PDYN: variants seen among roughly 807,000 people sequenced by gnomAD.
PDYN encodes the protein prodynorphin.
Under a neutral mutation model 11.4 loss-of-function variants are expected in PDYN, and 5 were observed. The ratio of observed to expected loss-of-function variants is 0.44; its 90% confidence interval spans 0.23 to 0.92. The LOEUF (loss-of-function observed/expected upper bound fraction) is 0.92. PDYN is among the 40% of genes least tolerant of loss of function. PDYN has a pLI of 0.24. For missense variants in PDYN, 337 were observed against 317.3 expected, an observed-to-expected ratio of 1.06 and a Z score of -0.47; for synonymous variants, 132 against 129.5, an observed-to-expected ratio of 1.02 and a Z score of -0.13.
Position 1,990,229 on chromosome 20 carries a change from A to G in PDYN, c.-20+2355T>C, listed in dbSNP as rs555479255. On this transcript the variant is annotated intron_variant, in intron 2 of 3. Transcript: ENST00000217305. Reference sequence around the variant, plus strand: ...ACTGGGCCAAGACCAAGAAGCAAGGAAACAGCAGAATAAGATTTCAGAGTC... The same window carrying G: ...ACTGGGCCAAGACCAAGAAGCAAGGGAACAGCAGAATAAGATTTCAGAGTC... Among the ~76,000 whole-genome samples the G allele has an allele frequency of 9.8e-5, 15 of 152,346 alleles. No individual in the cohort carries two copies. In the East Asian group the frequency reaches 2.9e-3, roughly 29 times the overall value.
rs949868832 is a variant in PDYN at position 1,980,492 on chromosome 20, C to G, written c.596G>C (p.Gly199Ala). 4.3e-6 allele frequency: 7 copies of G among 1,613,054 alleles called. No individual in the cohort carries two copies. Among genetic ancestry groups the G allele is most frequent in the Admixed American group, 1.7e-5 (1 of 59,932 alleles). ...ATAGCGTTTGTACAGGTCCTCATGG[C>G]CCATGCTATCCCCGTCCCCCTCCCC... ...VAGEGDGDSM[G>A]HEDLYKRYGG... Residue 199 changes from glycine (G) to alanine (A), a missense_variant, in exon 4 of 4, where the codon GGC (glycine) becomes GCC (alanine). Gly to Ala is a moderately conservative substitution (Grantham distance 60). Transcript: ENST00000217305.
chr20:1,991,798 G>A (rs979182038), intron 2 of PDYN, among the ~76,000 whole-genome samples: 1 of 152,176 alleles, frequency 6.6e-6, no homozygotes, highest in Non-Finnish European at 1.5e-5. Flanking sequence ...CAAGGAGGTG[G>A]GTAGTGGGAG....
At chr20:1,992,951 C>T (rs1988514958) in intron 1 of PDYN, among the ~76,000 whole-genome samples, 1 of 151,182 alleles carries the variant, frequency 6.6e-6, no homozygotes, top group Non-Finnish European at 1.5e-5. Flanking sequence ...AGACTGGAGA[C>T]TTAATTAAGT....
In PDYN at chr20:1,980,462, C is replaced by T. The variant is rs141379855; in HGVS notation, c.626G>A (p.Gly209Asp). The T allele has an allele frequency of 8.1e-6, 13 of 1,613,044 alleles. No individual in the cohort carries two copies. The highest frequency in any genetic ancestry group is 1.0e-5 in the Non-Finnish European group (12 of 1,179,308). Reference protein sequence around the residue: ...GHEDLYKRYGGFLRRIRPKLK... With the variant: ...GHEDLYKRYGDFLRRIRPKLK... ...CTTGGGACGAATGCGCCGCAAGAAG[C>T]CCCCATAGCGTTTGTACAGGTCCTC... Residue 209 changes from glycine to aspartate, a missense_variant, in exon 4 of 4, where the codon GGC becomes GAC. Gly to Asp is a moderately conservative substitution (Grantham distance 94). Transcript: ENST00000217305.
intron 2 of PDYN, among the ~76,000 whole-genome samples, chr20:1,991,941 C>T (rs931481936): frequency 2.6e-5 from 4 of 152,110 alleles, no homozygotes; most frequent in African/African-American, 9.7e-5. Context: ...GACATTAGAT[C>T]ATATCTCCTG....
At chr20:1,992,686 G>C (rs1988502568) in intron 1 of PDYN, 43 bp from the exon 2 acceptor site, 2 of 152,408 alleles carry the variant, frequency 1.3e-5, no homozygotes, top group Non-Finnish European at 1.5e-5. Flanking sequence ...GGACTGGGGG[G>C]AGAAGAGGAG....
At chr20:1,992,899 G>C (rs1215700531) in intron 1 of PDYN, among the ~76,000 whole-genome samples, 1 of 152,178 alleles carries the variant, frequency 6.6e-6, no homozygotes, top group African/African-American at 2.4e-5. Context: ...GAGGGGAATT[G>C]AAATCAGATC....
Position 1,980,844 on chromosome 20 carries a change from A to G in PDYN, c.244T>C (p.Leu82=), listed in dbSNP as rs987477947. ...STLGLNDKED[L]GSKSVGEGPY... ...CCTTCCCCAACCGACTTGCTCCCCA[A>G]GTCCTCCTTGTCATTGAGCCCAAGG... The change falls in exon 4 of 4, where the codon TTG becomes CTG. Residue 82 remains leucine (L), a synonymous_variant. Transcript: ENST00000217305. The G allele has an allele frequency of 3.1e-6, 5 of 1,614,074 alleles. No individual in the cohort carries two copies. The highest frequency in any genetic ancestry group is 4.2e-6 in the Non-Finnish European group (5 of 1,180,034).
intron 2 of PDYN, among the ~76,000 whole-genome samples, chr20:1,992,108 A>ATT (rs760762544): frequency 6.6e-6 from 1 of 152,140 alleles, no homozygotes; most frequent in African/African-American, 2.4e-5. Flanking sequence ...GCTATATCCC[A>ATT]TTGGAGACTT....
intron 2 of PDYN, among the ~76,000 whole-genome samples, chr20:1,991,374 C>G (rs182740702): frequency 6.6e-6 from 1 of 152,200 alleles, no homozygotes; most frequent in Admixed American, 6.5e-5. Context: ...TGGATGGACT[C>G]GGAGGAGCCC....
chr20:1,985,780 C>T (rs1199359155), intron 2 of PDYN, among the ~76,000 whole-genome samples: 2 of 152,184 alleles, frequency 1.3e-5, no homozygotes, highest in Non-Finnish European at 2.9e-5. Context: ...TTCTCTTCCC[C>T]TTGAGTCTGT....
chr20:1,988,678 G>C (rs183149293), intron 2 of PDYN, among the ~76,000 whole-genome samples: 2 of 152,196 alleles, frequency 1.3e-5, no homozygotes, highest in Non-Finnish European at 2.9e-5. Flanking sequence ...GGCCACACAA[G>C]GAAAAGTCCT....
chr20:1,980,502 C>T lies in PDYN; in HGVS notation c.586G>A (p.Asp196Asn). Reference protein sequence around the residue: ...SSEVAGEGDGDSMGHEDLYKR... With the variant: ...SSEVAGEGDGNSMGHEDLYKR... The stretch of plus-strand genomic sequence containing the variant: ...TACAGGTCCTCATGGCCCATGCTAT[C>T]CCCGTCCCCCTCCCCAGCCACCTCT... Residue 196 changes from aspartate to asparagine, a missense_variant, in exon 4 of 4, where the codon GAT becomes AAT. Asp to Asn is a conservative substitution (Grantham distance 23). Coordinates refer to ENST00000217305, the MANE Select transcript of PDYN (RefSeq NM_024411.5). 1 of 1,613,146 alleles carries T rather than the reference C, an allele frequency of 6.2e-7. No individual in the cohort carries two copies. The highest frequency in any genetic ancestry group is 8.5e-7 in the Non-Finnish European group (1 of 1,179,310).
chr20:1,987,045 C>T (rs1250513757), intron 2 of PDYN, among the ~76,000 whole-genome samples: 1 of 152,134 alleles, frequency 6.6e-6, no homozygotes, highest in Non-Finnish European at 1.5e-5. Context: ...CCCTTATGGG[C>T]AGGTAGGGGG....
At chr20:1,981,952 A>AAAT (rs1374440559) in intron 3 of PDYN, among the ~76,000 whole-genome samples, 38 of 150,358 alleles carry the variant, frequency 2.5e-4, no homozygotes, top group Non-Finnish European at 3.7e-4. Context: ...ATAAATAAAT[A>AAAT]AATAAATAAA....
At chr20:1,987,050 AG>A (rs1988219228) in intron 2 of PDYN, among the ~76,000 whole-genome samples, 1 of 152,144 alleles carries the variant, frequency 6.6e-6, no homozygotes, top group Non-Finnish European at 1.5e-5. Flanking sequence ...ATGGGCAGGT[AG>A]GGGGGTCGCT....
At chr20:1,981,012 G>A in intron 3 of PDYN, 54 bp from the exon 4 acceptor site, 1 of 1,600,788 alleles carries the variant, frequency 6.2e-7, no homozygotes, top group South Asian at 1.1e-5. Context: ...ACATGCACTG[G>A]TCTGCCCCAG....
At chr20:1,983,920 C>T (rs1427067426) in intron 2 of PDYN, among the ~76,000 whole-genome samples, 15 of 152,292 alleles carry the variant, frequency 9.8e-5, no homozygotes, top group South Asian at 4.1e-4. Context: ...CACCCCCAGG[C>T]CTTTGCACAT....
intron 1 of PDYN, 154 bp downstream of exon 1, chr20:1,993,757 T>C (rs1988551934): frequency 6.6e-6 from 1 of 152,256 alleles, no homozygotes; most frequent in Non-Finnish European, 1.5e-5. Flanking sequence ...CTGGCTTTTG[T>C]GAACTAGCCT....
Sources: allele counts gnomAD v4.1 joint callset (sites outside exome capture counted in the v4.1 genomes callset), GRCh38; gene constraint gnomAD v4.1.1; transcripts MANE v1.5; gene names NCBI Gene and HGNC (gene_info 2026-07-23, HGNC 2026-07-21).